The following ASIC2 variants were observed in gnomAD, a reference collection of about 807,000 sequenced individuals.
ASIC2 encodes acid sensing ion channel subunit 2.
A neutral mutation model predicts 57.3 loss-of-function variants in ASIC2; 25 were observed. The observed-to-expected ratio is 0.44, with a 90% CI of 0.32 to 0.61. The LOEUF (loss-of-function observed/expected upper bound fraction) is 0.61, where lower values mean the gene tolerates loss of function less well. Ranked by LOEUF, ASIC2 falls within the 20% of genes least tolerant of loss-of-function variation. ASIC2 has a pLI of 0.06. For missense variants in ASIC2, 641 were observed against 738.1 expected, an observed-to-expected ratio of 0.87 and a Z score of 1.52; for synonymous variants, 319 against 307.5, an observed-to-expected ratio of 1.04 and a Z score of -0.39.
intron 1 of ASIC2, among the ~76,000 whole-genome samples, chr17:34,084,557 A>T (rs1487880952): frequency 6.6e-6 from 1 of 152,152 alleles, no homozygotes; most frequent in Non-Finnish European, 1.5e-5. Context: ...ACTTTAAAGT[A>T]GTTTTTTCCA....
intron 1 of ASIC2, among the ~76,000 whole-genome samples, chr17:34,150,230 C>G (rs1466565902): frequency 6.6e-6 from 1 of 152,058 alleles, no homozygotes; most frequent in South Asian, 2.1e-4. Context: ...TTACTGGGGA[C>G]TGGGGAGTGG....
chr17:33,328,302 C>T (rs1357014142), intron 1 of ASIC2, among the ~76,000 whole-genome samples: 3 of 152,066 alleles, frequency 2.0e-5, no homozygotes, highest in Admixed American at 6.5e-5. Flanking sequence ...TTCAGCCAAC[C>T]GGGGAGAATG....
chr17:33,805,657 T>C (rs563970662), intron 1 of ASIC2, among the ~76,000 whole-genome samples: 76 of 152,334 alleles, frequency 5.0e-4, no homozygotes, highest in Non-Finnish European at 9.1e-4. Flanking sequence ...GAATATTAAA[T>C]ATACTCTGCC....
rs535214114 is a variant in ASIC2 at position 33,875,477 on chromosome 17, A to G, written c.555+280501T>C. 1.1e-4 allele frequency among the ~76,000 whole-genome samples: 17 copies of G among 152,314 alleles called. 1 individual carries two copies. The South Asian group carries it at 3.5e-3, about 32-fold the overall frequency. ...GACAGAGACAGCTGAAAATGAAAACAGAAGGTTTTTAGGCCACTGCCCCTC... is the reference window on the plus strand; with the variant it reads ...GACAGAGACAGCTGAAAATGAAAACGGAAGGTTTTTAGGCCACTGCCCCTC... On this transcript the variant is annotated intron_variant, in intron 1 of 9. Transcript: ENST00000359872.
intron 1 of ASIC2, among the ~76,000 whole-genome samples, chr17:33,213,748 A>G (rs149711924): frequency 3.9e-5 from 6 of 152,044 alleles, no homozygotes; most frequent in Admixed American, 1.3e-4. Flanking sequence ...CCAGCTGCCA[A>G]TCTCACCGAT....
chr17:34,047,245 C>T (rs1267214057), intron 1 of ASIC2, among the ~76,000 whole-genome samples: 1 of 152,050 alleles, frequency 6.6e-6, no homozygotes, highest in East Asian at 1.9e-4. Context: ...ATTTATTCAA[C>T]ATATATATAA....
At chr17:33,612,181 C>G (rs1156912664) in intron 1 of ASIC2, among the ~76,000 whole-genome samples, 2 of 152,222 alleles carry the variant, frequency 1.3e-5, no homozygotes, top group African/African-American at 2.4e-5. Context: ...TTTACTCAGT[C>G]TACTGGTTTA....
rs139024714 is a variant in ASIC2 at position 33,817,159 on chromosome 17, G to A, written c.555+338819C>T. Reference sequence around the variant, plus strand: ...ACTCTGGGCATCCGGATTCTTCGACGTTCTCTAGGTGGTGTGGGCAGCTGG... The same window carrying A: ...ACTCTGGGCATCCGGATTCTTCGACATTCTCTAGGTGGTGTGGGCAGCTGG... On this transcript the variant is annotated intron_variant, in intron 1 of 9. Coordinates refer to the ASIC2 transcript ENST00000359872. Among the ~76,000 whole-genome samples the A allele has an allele frequency of 3.1e-4, 47 of 152,312 alleles. No individual in the cohort carries two copies. The East Asian group carries it at 7.9e-3, about 26-fold the overall frequency.
chr17:34,044,102 ACACACACACACACACACACACACGCACG>A (rs1318020933), intron 1 of ASIC2, among the ~76,000 whole-genome samples: 11 of 137,124 alleles, frequency 8.0e-5, no homozygotes, highest in African/African-American at 2.6e-4. Flanking sequence ...CCCTTGAATC[ACACACACACACACACACACACACGCACG>A]CACACACACA....
intron 1 of ASIC2, among the ~76,000 whole-genome samples, chr17:33,819,846 A>T (rs1010996442): frequency 6.6e-6 from 1 of 152,206 alleles, no homozygotes; most frequent in African/African-American, 2.4e-5. Context: ...CATTGCTATC[A>T]TTATTCTTAA....
At chr17:33,233,321 T>C (rs560161646) in intron 1 of ASIC2, among the ~76,000 whole-genome samples, 1 of 151,980 alleles carries the variant, frequency 6.6e-6, no homozygotes, top group South Asian at 2.1e-4. Flanking sequence ...ACCCCCACAC[T>C]GCCTGGCTGT....
In ASIC2 at chr17:33,500,501, G is replaced by A. The variant is rs562269564; in HGVS notation, c.556-388434C>T. ...ATTGGGTCCATTCCAGGTCTGACAC[G>A]TGATTCTCATTGTAGGAAACAGTAA... On this transcript the variant is annotated intron_variant, in intron 1 of 9. Coordinates refer to the ASIC2 transcript ENST00000359872. 4.1e-4 allele frequency among the ~76,000 whole-genome samples: 63 copies of A among 152,310 alleles called. 2 individuals carry two copies. In the South Asian group the frequency reaches 0.011, roughly 28 times the overall value.
intron 1 of ASIC2, among the ~76,000 whole-genome samples, chr17:33,505,695 T>C (rs913084425): frequency 1.3e-5 from 2 of 152,210 alleles, no homozygotes; most frequent in South Asian, 2.1e-4. Context: ...AGACATCAAA[T>C]CTTCTAGCCT....
chr17:33,196,112 T>C (rs1308823352), intron 1 of ASIC2, among the ~76,000 whole-genome samples: 5 of 152,222 alleles, frequency 3.3e-5, no homozygotes, highest in African/African-American at 9.6e-5. Context: ...GAGTGAGCCC[T>C]CAGTGAAAGG....
At chr17:33,112,183 C>G in intron 1 of ASIC2, 116 bp from the exon 2 acceptor site, 3 of 1,243,924 alleles carry the variant, frequency 2.4e-6, no homozygotes, top group Non-Finnish European at 2.2e-6. Context: ...CAGCCCATCA[C>G]CATCACCGCT....
intron 1 of ASIC2, among the ~76,000 whole-genome samples, chr17:34,022,632 A>C (rs1256561029): frequency 1.3e-4 from 20 of 150,652 alleles, no homozygotes; most frequent in Admixed American, 1.3e-3. Context: ...TTCCCATGAA[A>C]AAAAAAAACA....
At chr17:33,310,009 A>G (rs1397041503) in intron 1 of ASIC2, among the ~76,000 whole-genome samples, 1 of 150,566 alleles carries the variant, frequency 6.6e-6, no homozygotes, top group East Asian at 1.9e-4. Context: ...AAGTTGAGTA[A>G]TAGAATAATA....
chr17:34,103,362 C>T (rs1424026052), intron 1 of ASIC2, among the ~76,000 whole-genome samples: 1 of 152,056 alleles, frequency 6.6e-6, no homozygotes, highest in Non-Finnish European at 1.5e-5. Context: ...TTATGTTGCC[C>T]AGGCTGGTCT....
chr17:33,711,005 C>CAGGG (rs1206958130), intron 1 of ASIC2, among the ~76,000 whole-genome samples: 1 of 151,710 alleles, frequency 6.6e-6, no homozygotes, highest in Non-Finnish European at 1.5e-5. Context: ...GTCTGTCATA[C>CAGGG]AGGGACATGA....
Sources: allele counts gnomAD v4.1 joint callset (sites outside exome capture counted in the v4.1 genomes callset), GRCh38; gene constraint gnomAD v4.1.1; transcripts MANE v1.5; gene names NCBI Gene and HGNC (gene_info 2026-07-23, HGNC 2026-07-21).